ACCSL: variants seen among roughly 807,000 people sequenced by gnomAD.
The protein encoded by ACCSL is probable inactive 1-aminocyclopropane-1-carboxylate synthase-like protein 2.
ACCSL carries 55 observed loss-of-function variants against 61.7 expected under a neutral mutation model. That is an observed-to-expected ratio of 0.89 (90% confidence interval 0.72 to 1.12). The LOEUF (loss-of-function observed/expected upper bound fraction) is 1.12. Among genes scored for constraint, ACCSL ranks in the 50% most tolerant of loss-of-function variants. ACCSL has a pLI of 0.00. For missense variants in ACCSL, 632 were observed against 698.0 expected, an observed-to-expected ratio of 0.91 and a Z score of 1.07; for synonymous variants, 258 against 264.3, an observed-to-expected ratio of 0.98 and a Z score of 0.23.
At chr11:43,930,161 C>T in the ACCSL span, among the ~76,000 whole-genome samples, 9 of 152,186 alleles carry the variant, frequency 5.9e-5, 1 homozygote, top group Non-Finnish European at 1.3e-4. Context: ...TTCTTCCCCT[C>T]TAGCCTGGGG....
At chr11:43,943,567 G>C in the ACCSL span, 37 of 1,314,874 alleles carry the variant, frequency 2.8e-5, no homozygotes, top group African/African-American at 4.8e-4. This position sits in a 1 kb window ranked among gnomAD's most constrained non-coding sequence, Gnocchi z 4.8. Flanking sequence ...AGGCGCGCCC[G>C]CGCTGAGTCG....
chr11:44,016,394 G>T, the ACCSL span, among the ~76,000 whole-genome samples: 1 of 152,162 alleles, frequency 6.6e-6, no homozygotes, highest in African/African-American at 2.4e-5. Flanking sequence ...TGTCCTAGCT[G>T]AGCTGGGGGA....
the ACCSL span, among the ~76,000 whole-genome samples, chr11:43,978,040 C>T: frequency 1.6e-4 from 21 of 134,522 alleles, no homozygotes; most frequent in African/African-American, 3.5e-4. Flanking sequence ...GATGGAGCCT[C>T]GCTCTATTGC....
chr11:43,926,602 C>G, the ACCSL span: 2 of 341,112 alleles, frequency 5.9e-6, no homozygotes, highest in African/African-American at 4.3e-5. Flanking sequence ...TAGAAGTAAA[C>G]CCATGTGGCT....
intron 9 of ACCSL, 74 bp downstream of exon 9, chr11:44,055,365 T>C: frequency 8.4e-7 from 1 of 1,187,104 alleles, no homozygotes; most frequent in Non-Finnish European, 1.2e-6. Flanking sequence ...TTATGTGACA[T>C]GAACTTAACT....
At chr11:43,983,118 C>A in the ACCSL span, among the ~76,000 whole-genome samples, 1 of 152,252 alleles carries the variant, frequency 6.6e-6, no homozygotes, top group East Asian at 1.9e-4. Flanking sequence ...CATCACAGAG[C>A]CCACCCACAG....
chr11:43,938,197 G>C, the ACCSL span, among the ~76,000 whole-genome samples: 12 of 152,050 alleles, frequency 7.9e-5, no homozygotes, highest in Non-Finnish European at 1.6e-4. Flanking sequence ...CAGCGGAGGA[G>C]GTTCTCTGGG....
chr11:43,973,114 A>G, the ACCSL span, among the ~76,000 whole-genome samples: 40,391 of 152,186 alleles, frequency 0.27, 6,189 homozygotes, highest in Middle Eastern at 0.44. Context: ...GTAAGCATTT[A>G]TCCATCCAAA....
At chr11:44,028,508 T>C in the ACCSL span, among the ~76,000 whole-genome samples, 16 of 152,362 alleles carry the variant, frequency 1.1e-4, no homozygotes, top group Admixed American at 5.9e-4. Flanking sequence ...ATGTGACTAG[T>C]AGCTGCTGTG....
At chr11:43,963,980 T>G in the ACCSL span, among the ~76,000 whole-genome samples, 8,692 of 152,252 alleles carry the variant, frequency 0.057, 318 homozygotes, top group South Asian at 0.1. Context: ...TTGCTCATCT[T>G]TTACTTTCCA....
chr11:43,955,337 A>G, the ACCSL span, among the ~76,000 whole-genome samples: 1 of 152,180 alleles, frequency 6.6e-6, no homozygotes, highest in African/African-American at 2.4e-5. Flanking sequence ...ATTTCTTACC[A>G]TTCTGGAGTC....
At chr11:43,963,668 C>T in the ACCSL span, among the ~76,000 whole-genome samples, 1 of 152,176 alleles carries the variant, frequency 6.6e-6, no homozygotes, top group Non-Finnish European at 1.5e-5. Flanking sequence ...ACTGCCTCAC[C>T]CTAACTACGT....
At chr11:43,943,834 G>A in the ACCSL span, 1 of 1,297,024 alleles carries the variant, frequency 7.7e-7, no homozygotes, top group Non-Finnish European at 1.0e-6. The surrounding 1 kb of genome is among the most constrained non-coding windows in gnomAD (Gnocchi z 4.8). Flanking sequence ...GGATATGTCT[G>A]TGAGGCTCCT....
the ACCSL span, among the ~76,000 whole-genome samples, chr11:43,953,875 A>T: frequency 6.6e-6 from 1 of 152,090 alleles, no homozygotes; most frequent in Non-Finnish European, 1.5e-5. Context: ...CTATTCCTTT[A>T]CTTTCTTAAT....
intron 3 of ACCSL, 127 bp from the exon 4 acceptor site, chr11:44,051,208 C>G (rs937757998): frequency 1.1e-6 from 1 of 914,984 alleles, no homozygotes; most frequent in African/African-American, 1.6e-5. Flanking sequence ...TGGTCTTAGT[C>G]AGTAGCCCTG....
upstream of ACCSL, chr11:44,047,878 C>A: frequency 2.1e-6 from 2 of 952,564 alleles, no homozygotes; most frequent in Non-Finnish European, 3.1e-6. Context: ...GGTCATATAA[C>A]CAAGGCATGG....
the ACCSL span, among the ~76,000 whole-genome samples, chr11:43,994,411 G>T: frequency 9.2e-5 from 14 of 152,330 alleles, no homozygotes; most frequent in African/African-American, 3.4e-4. Flanking sequence ...CAGGGTGTCA[G>T]TGTGGCCATA....
At chr11:43,923,963 C>G in the ACCSL span, among the ~76,000 whole-genome samples, 1 of 152,226 alleles carries the variant, frequency 6.6e-6, no homozygotes, top group Non-Finnish European at 1.5e-5. Context: ...CACGCTCTCT[C>G]AGCACAAGGA....
At chr11:43,978,520 T>C in the ACCSL span, among the ~76,000 whole-genome samples, 1 of 152,154 alleles carries the variant, frequency 6.6e-6, no homozygotes, top group Admixed American at 6.5e-5. Context: ...CCTGGCAAGG[T>C]ACAGGCATCA....
Sources: gnomAD v4.1 joint callset for allele counts (sites outside exome capture counted in the v4.1 genomes callset) on GRCh38, gnomAD v4.1.1 for gene constraint, Gnocchi (gnomAD v3.1) non-coding constraint, MANE v1.5 for transcripts, NCBI Gene and HGNC (gene_info 2026-07-23, HGNC 2026-07-21) for gene names.